The following PHF14 variants were observed in gnomAD, a reference collection of about 807,000 sequenced individuals.
PHF14 encodes the protein PHD finger protein 14.
Under a neutral mutation model 117.9 loss-of-function variants are expected in PHF14, and 55 were observed. The observed-to-expected ratio is 0.47, with a 90% CI of 0.38 to 0.58. The LOEUF is 0.58. Among genes scored for constraint, PHF14 ranks in the 20% least tolerant of loss-of-function variants. The pLI is 0.00. For missense variants in PHF14, 978 were observed against 1,122.2 expected, an observed-to-expected ratio of 0.87 and a Z score of 1.84; for synonymous variants, 409 against 368.6, an observed-to-expected ratio of 1.11 and a Z score of -1.26.
intron 16 of PHF14, among the ~76,000 whole-genome samples, chr7:11,095,519 G>A (rs574045314): frequency 1.3e-5 from 2 of 152,216 alleles, no homozygotes; most frequent in South Asian, 2.1e-4. Flanking sequence ...AGGGCATTTC[G>A]TTTAATCCTG....
At chr7:11,004,430 C>G (rs953382982) in intron 4 of PHF14, among the ~76,000 whole-genome samples, 2 of 149,042 alleles carry the variant, frequency 1.3e-5, no homozygotes, top group Non-Finnish European at 3.0e-5. Context: ...AATATGCACA[C>G]TCTTCTTATA....
intron 16 of PHF14, chr7:11,063,080 A>G: frequency 1.1e-6 from 1 of 892,000 alleles, no homozygotes; most frequent in Non-Finnish European, 1.3e-6. Flanking sequence ...ATATGTCTTA[A>G]TTTCTCAAAG....
intron 5 of PHF14, among the ~76,000 whole-genome samples, chr7:11,017,998 G>A (rs1783590886): frequency 6.6e-6 from 1 of 152,086 alleles, no homozygotes; most frequent in African/African-American, 2.4e-5. Context: ...AGTTTTTCCA[G>A]CACCATTTGT....
chr7:11,157,058 A>G (rs561866288), intron 17 of PHF14, among the ~76,000 whole-genome samples: 2 of 152,130 alleles, frequency 1.3e-5, no homozygotes, highest in Non-Finnish European at 2.9e-5. Flanking sequence ...ACCTCCATGT[A>G]TACCTGATGC....
chr7:11,134,807 C>CA (rs1252532024), intron 17 of PHF14, among the ~76,000 whole-genome samples: 3 of 151,746 alleles, frequency 2.0e-5, no homozygotes, highest in African/African-American at 7.3e-5. Context: ...AATAATTTTG[C>CA]AAAAAAACAT....
chr7:11,035,846 G>T (rs543265022), intron 8 of PHF14, 60 bp downstream of exon 8: 4 of 1,320,008 alleles, frequency 3.0e-6, no homozygotes, highest in East Asian at 4.7e-5. Flanking sequence ...AGGATTTTAC[G>T]TCTCGTGTGG....
intron 14 of PHF14, among the ~76,000 whole-genome samples, chr7:11,054,162 A>G (rs931528351): frequency 6.6e-6 from 1 of 152,024 alleles, no homozygotes; most frequent in African/African-American, 2.4e-5. Context: ...AAGTTTGGAA[A>G]TGATGCTCCG....
At chr7:11,111,811 A>G (rs1562471966) in intron 17 of PHF14, among the ~76,000 whole-genome samples, 2 of 152,098 alleles carry the variant, frequency 1.3e-5, no homozygotes, top group South Asian at 4.1e-4. Flanking sequence ...GTCATAATAA[A>G]TTATGTTAGC....
Position 10,990,851 on chromosome 7 carries a change from A to T in PHF14, c.1045+4A>T. 6.4e-7 allele frequency: 1 copy of T among 1,571,386 alleles called. No homozygotes were observed. Among genetic ancestry groups the T allele is most frequent in the Non-Finnish European group, 8.6e-7 (1 of 1,156,614 alleles). ...TGTGGCATTACAGTCCATGAAGGTAATGTTGCTTTCTTTTCTCTCTTTTTA... is the reference window on the plus strand; with the variant it reads ...TGTGGCATTACAGTCCATGAAGGTATTGTTGCTTTCTTTTCTCTCTTTTTA... On this transcript the variant is annotated splice_donor_region_variant and intron_variant, in intron 4 of 17. Coordinates refer to ENST00000634607, the MANE Select transcript of PHF14 (RefSeq NM_001007157.2).
chr7:11,028,841 T>C (rs773736137), intron 7 of PHF14, 23 bp downstream of exon 7: 5 of 1,605,118 alleles, frequency 3.1e-6, no homozygotes, highest in South Asian at 2.2e-5. Flanking sequence ...AAACCCATAG[T>C]TGGTGAACAT....
At chr7:11,029,425 A>G (rs373401340) in intron 7 of PHF14, among the ~76,000 whole-genome samples, 10 of 152,312 alleles carry the variant, frequency 6.6e-5, no homozygotes, top group East Asian at 3.9e-4. Flanking sequence ...GGAGACTTCC[A>G]GAGATTACAT....
At chr7:11,097,991 G>C (rs1436868039) in intron 16 of PHF14, among the ~76,000 whole-genome samples, 1 of 151,932 alleles carries the variant, frequency 6.6e-6, no homozygotes, top group Non-Finnish European at 1.5e-5. Flanking sequence ...TGATTTTTCT[G>C]TAAATCTATC....
chr7:10,999,492 A>G (rs1225506492), intron 4 of PHF14, among the ~76,000 whole-genome samples: 9 of 152,160 alleles, frequency 5.9e-5, no homozygotes, highest in Admixed American at 5.2e-4. Context: ...GACTAGTTCC[A>G]TGTACATTTC....
chr7:11,006,293 C>G (rs1463359950), intron 4 of PHF14: 5 of 395,126 alleles, frequency 1.3e-5, no homozygotes, highest in South Asian at 1.0e-4. Flanking sequence ...CCATTTGCCA[C>G]ATTTTGTTTT....
intron 3 of PHF14, among the ~76,000 whole-genome samples, chr7:10,989,970 C>T (rs950391035): frequency 5.3e-5 from 8 of 152,130 alleles, no homozygotes; most frequent in African/African-American, 1.9e-4. Flanking sequence ...GTATTTATTA[C>T]CAGTTTACAC....
chr7:11,044,623 C>T (rs1247005439), intron 13 of PHF14, among the ~76,000 whole-genome samples: 1 of 151,978 alleles, frequency 6.6e-6, no homozygotes, highest in African/African-American at 2.4e-5. Context: ...ATGTGGGAGG[C>T]AGTTTTTACT....
At chr7:11,119,323 G>T (rs879761587) in intron 17 of PHF14, among the ~76,000 whole-genome samples, 1 of 151,712 alleles carries the variant, frequency 6.6e-6, no homozygotes, top group African/African-American at 2.4e-5. Flanking sequence ...CTTTACAAAA[G>T]TTAATAAAAG....
intron 6 of PHF14, among the ~76,000 whole-genome samples, chr7:11,024,017 T>C (rs1783825833): frequency 6.6e-6 from 1 of 152,152 alleles, no homozygotes; most frequent in African/African-American, 2.4e-5. Context: ...AGCCAGTATG[T>C]CAGTGCAAAG....
At chr7:11,095,642 T>C (rs1786820137) in intron 16 of PHF14, among the ~76,000 whole-genome samples, 1 of 152,196 alleles carries the variant, frequency 6.6e-6, no homozygotes, top group Non-Finnish European at 1.5e-5. Context: ...AAATGTTTTT[T>C]CAGTGGATTT....
Sources: gnomAD v4.1 joint callset for allele counts (sites outside exome capture counted in the v4.1 genomes callset) on GRCh38, gnomAD v4.1.1 for gene constraint, MANE v1.5 for transcripts, NCBI Gene and HGNC (gene_info 2026-07-23, HGNC 2026-07-21) for gene names.